Variants in KCNC4 observed in about 807,000 individuals in gnomAD.
KCNC4 encodes the protein potassium voltage-gated channel subfamily C member 4, also known as voltage-gated potassium channel KCNC4.
Under a neutral mutation model 42.8 loss-of-function variants are expected in KCNC4, and 23 were observed. The observed-to-expected ratio is 0.54, with a 90% CI of 0.39 to 0.76. The LOEUF (loss-of-function observed/expected upper bound fraction) is 0.76. Among genes scored for constraint, KCNC4 ranks in the 30% least tolerant of loss-of-function variants. The pLI is 0.00. For synonymous variants in KCNC4, 422 were observed against 393.5 expected (o/e 1.07, Z -0.86); for missense variants, 751 against 898.2 (o/e 0.84, Z 2.10).
intron 1 of KCNC4, among the ~76,000 whole-genome samples, chr1:110,262,155 A>G (rs1206918511): frequency 3.3e-5 from 5 of 152,256 alleles, no homozygotes; most frequent in Non-Finnish European, 7.3e-5. Flanking sequence ...TTAGAACTAT[A>G]AAGATATAAT....
At position 110,223,916 on chromosome 1, in the gene KCNC4, G is replaced by T. The variant is rs1168433382; in HGVS notation, c.1615+16G>T. The T allele has an allele frequency of 6.4e-7, 1 of 1,562,236 alleles. No individual in the cohort carries two copies. Among genetic ancestry groups the T allele is most frequent in the African/African-American group, 1.4e-5 (1 of 73,658 alleles). On this transcript the variant is annotated intron_variant, in intron 2 of 3. Coordinates refer to ENST00000438661, the MANE Select transcript of KCNC4 (RefSeq NM_001039574.3). This position sits in a 1 kb window ranked among gnomAD's most constrained non-coding sequence, Gnocchi z 7.5. ...AAACGGGCAGGTGAGATTAGGGGTT[G>T]GGAAGGAAAATCCCTTTTCCCCCAG...
Position 110,223,853 on chromosome 1 carries a change from C to T in KCNC4, c.1568C>T (p.Thr523Ile). Residue 523 changes from threonine to isoleucine, a missense_variant, in exon 2 of 4, where the codon ACC (threonine) becomes ATC (isoleucine). Thr to Ile is a moderately conservative substitution (Grantham distance 89, BLOSUM62 -1). Coordinates refer to ENST00000438661, the MANE Select transcript of KCNC4 (RefSeq NM_001039574.3). This position sits in a 1 kb window ranked among gnomAD's most constrained non-coding sequence, Gnocchi z 7.5. ...CCCCGGGACAGCACCTGCAGTGATA[C>T]CAGCCCCCCTGCCCGGGAAGAGGGT... ...TSPRDSTCSD[T>I]SPPAREEGMI... 1 of 1,607,138 alleles carries T rather than the reference C, an allele frequency of 6.2e-7. No homozygotes were observed. The highest frequency in any genetic ancestry group is 1.1e-5 in the South Asian group (1 of 90,520).
downstream of KCNC4, among the ~76,000 whole-genome samples, chr1:110,254,039 C>T (rs1020372233): frequency 1.3e-5 from 2 of 150,174 alleles, no homozygotes; most frequent in African/African-American, 4.9e-5. Context: ...AAGGAAAACC[C>T]TCAGAGGCCT....
chr1:110,280,694 T>A (rs769920850), intron 1 of KCNC4, among the ~76,000 whole-genome samples: 4 of 152,010 alleles, frequency 2.6e-5, no homozygotes, highest in African/African-American at 4.8e-5. Flanking sequence ...TAACAACAAA[T>A]TTTTTTTCAG....
intron 1 of KCNC4, among the ~76,000 whole-genome samples, chr1:110,265,363 A>AAAAT (rs1201444567): frequency 1.2e-4 from 1 of 8,222 alleles, no homozygotes; most frequent in Non-Finnish European, 2.2e-4. Flanking sequence ...TAAATAAAAT[A>AAAAT]AAATAAAATA....
At chr1:110,280,445 T>C (rs948568991) in intron 1 of KCNC4, among the ~76,000 whole-genome samples, 5 of 151,950 alleles carry the variant, frequency 3.3e-5, no homozygotes, top group African/African-American at 1.2e-4. Flanking sequence ...CCTGAGACCT[T>C]AGGGAAGGCG....
intron 3 of KCNC4, among the ~76,000 whole-genome samples, chr1:110,231,326 C>T (rs1658678634): frequency 6.6e-6 from 1 of 152,120 alleles, no homozygotes; most frequent in African/African-American, 2.4e-5. Context: ...ATCCCTGCCC[C>T]ACCCCTGGTG....
Position 110,212,203 on chromosome 1 carries a change from C to T in KCNC4, c.678+26C>T, listed in dbSNP as rs564972641. The T allele has an allele frequency of 2.7e-5, 39 of 1,440,380 alleles. No homozygotes were observed. The South Asian group carries it at 5.6e-4, about 21-fold the overall frequency. The allele number at this position is 1,440,380 out of a possible 1,614,324, so 89.2% of individuals were successfully genotyped here. On this transcript the variant is annotated intron_variant, in intron 1 of 3. Coordinates refer to ENST00000438661, the MANE Select transcript of KCNC4 (RefSeq NM_001039574.3). ...GTGAGTGGCAGGAGCCCGTGTCTCC[C>T]CATCTTGGGTCTGCAAGGGGTCCGT...
intron 1 of KCNC4, among the ~76,000 whole-genome samples, chr1:110,258,299 G>C (rs1323932995): frequency 6.6e-6 from 1 of 152,092 alleles, no homozygotes; most frequent in Non-Finnish European, 1.5e-5. Flanking sequence ...GTACAGTGGC[G>C]TGATCTCGGC....
intron 1 of KCNC4, among the ~76,000 whole-genome samples, chr1:110,258,872 C>A (rs574995836): frequency 6.6e-6 from 1 of 152,316 alleles, no homozygotes; most frequent in East Asian, 1.9e-4. Context: ...CCCTCAGCCT[C>A]CCCTCCTCCT....
exon 4 of KCNC4, chr1:110,240,810 T>C (rs1659017751): frequency 6.6e-6 from 1 of 152,426 alleles, no homozygotes; most frequent in Non-Finnish European, 1.5e-5. Flanking sequence ...GCCTCCCTCC[T>C]AGTTAGGCTG....
intron 3 of KCNC4, 152 bp downstream of exon 3, chr1:110,226,330 G>C (rs1362913678): frequency 1.5e-6 from 1 of 675,454 alleles, no homozygotes; most frequent in Non-Finnish European, 2.7e-6. Flanking sequence ...ATGGGTACCT[G>C]ATCTCCCAGT....
At chr1:110,271,701 A>G (rs1659638346) in intron 1 of KCNC4, among the ~76,000 whole-genome samples, 1 of 151,594 alleles carries the variant, frequency 6.6e-6, no homozygotes, top group African/African-American at 2.4e-5. Flanking sequence ...ATTTAGGTCC[A>G]GTTTTGCTAG....
chr1:110,258,335 T>C (rs924593456), intron 1 of KCNC4, among the ~76,000 whole-genome samples: 1 of 152,094 alleles, frequency 6.6e-6, no homozygotes, highest in African/African-American at 2.4e-5. Flanking sequence ...CCTCCTGGGT[T>C]CAAGCGATTC....
chr1:110,226,454 C>T lies in KCNC4; in HGVS notation c.1819+276C>T, dbSNP rs1658401181. The T allele has an allele frequency of 2.6e-5, 13 of 492,982 alleles. 1 individual carries two copies. Among genetic ancestry groups the T allele is most frequent in the South Asian group, 2.4e-4 (11 of 46,688 alleles). 30.5% of individuals were successfully genotyped at this position (492,982 alleles called of 1,614,324 possible). The stretch of plus-strand genomic sequence containing the variant: ...GGGTGCACAAGGCCAGGGTCCCTGC[C>T]CCGTGCTTCCATTGCATCTCTTTTT... On this transcript the variant is annotated intron_variant, in intron 3 of 3. Coordinates refer to ENST00000438661, the MANE Select transcript of KCNC4 (RefSeq NM_001039574.3).
At chr1:110,262,898 C>T (rs1409987815) in intron 1 of KCNC4, among the ~76,000 whole-genome samples, 1 of 152,208 alleles carries the variant, frequency 6.6e-6, no homozygotes, top group East Asian at 1.9e-4. Context: ...GTCTTTCCCG[C>T]CTGTCAAGCC....
intron 1 of KCNC4, among the ~76,000 whole-genome samples, chr1:110,271,193 G>A (rs895284629): frequency 6.6e-6 from 1 of 152,226 alleles, no homozygotes; most frequent in African/African-American, 2.4e-5. Flanking sequence ...AGGTGGGAAG[G>A]TTGTGAGAGT....
At chr1:110,224,111 G>T (rs548976487) in intron 2 of KCNC4, 2 of 574,616 alleles carry the variant, frequency 3.5e-6, no homozygotes, top group Non-Finnish European at 3.1e-6. Context: ...GATCTTTGGA[G>T]TGAGTATTCC....
chr1:110,218,562 AG>A (rs1657928297), intron 1 of KCNC4, among the ~76,000 whole-genome samples: 1 of 143,650 alleles, frequency 7.0e-6, no homozygotes, highest in Non-Finnish European at 1.5e-5. Flanking sequence ...TATTTGTTAA[AG>A]TCGGCCTCCA....
Sources: gnomAD v4.1 joint callset for allele counts (sites outside exome capture counted in the v4.1 genomes callset) on GRCh38, gnomAD v4.1.1 for gene constraint, Gnocchi (gnomAD v3.1) non-coding constraint, MANE v1.5 for transcripts, NCBI Gene and HGNC (gene_info 2026-07-23, HGNC 2026-07-21) for gene names.